The following TNS1 variants were observed in gnomAD, a reference collection of about 807,000 sequenced individuals.
TNS1 encodes tensin 1.
TNS1 carries 62 observed loss-of-function variants against 168.6 expected under a neutral mutation model. That is an observed-to-expected ratio of 0.37 (90% CI 0.30 to 0.45). The LOEUF (loss-of-function observed/expected upper bound fraction) is 0.45. TNS1 is among the 20% of genes least tolerant of loss of function. TNS1 has a pLI of 1.00. For synonymous variants in TNS1, 934 were observed against 933.2 expected, an observed-to-expected ratio of 1.00 and a Z score of -0.02; for missense variants, 2,240 against 2,339.4, an observed-to-expected ratio of 0.96 and a Z score of 0.88.
At chr2:217,872,965 C>T (rs539494600) in intron 18 of TNS1, among the ~76,000 whole-genome samples, 1 of 152,300 alleles carries the variant, frequency 6.6e-6, no homozygotes, top group East Asian at 1.9e-4. Flanking sequence ...ACTCCATTTA[C>T]GTAAAGTGTC....
At chr2:217,947,157 A>C (rs1957130411) in intron 3 of TNS1, among the ~76,000 whole-genome samples, 1 of 148,260 alleles carries the variant, frequency 6.7e-6, no homozygotes, top group African/African-American at 2.5e-5. Context: ...CCTTGTCCCT[A>C]CCTCCCTCCC....
chr2:218,013,597 T>A (rs557498234), upstream of TNS1, among the ~76,000 whole-genome samples: 1 of 151,722 alleles, frequency 6.6e-6, no homozygotes, highest in South Asian at 2.1e-4. Flanking sequence ...GGTTAACCTA[T>A]CCTCTGGGGA....
intron 3 of TNS1, among the ~76,000 whole-genome samples, chr2:217,969,055 C>T (rs1368413613): frequency 6.6e-6 from 1 of 152,088 alleles, no homozygotes; most frequent in Admixed American, 6.6e-5. Context: ...CAATGCAAAC[C>T]CTATCAGAAT....
chr2:218,011,365 G>A (rs1014089299), upstream of TNS1, among the ~76,000 whole-genome samples: 1 of 152,138 alleles, frequency 6.6e-6, no homozygotes, highest in Non-Finnish European at 1.5e-5. Context: ...GAGAGCTGGA[G>A]GGGCACCCAT....
chr2:218,008,097 C>T (rs1220313061), intron 1 of TNS1, among the ~76,000 whole-genome samples: 1 of 152,174 alleles, frequency 6.6e-6, no homozygotes, highest in Non-Finnish European at 1.5e-5. Context: ...CCAGCTGACA[C>T]GAGAAGGAGC....
intron 3 of TNS1, among the ~76,000 whole-genome samples, chr2:217,965,860 G>A (rs1230173514): frequency 6.6e-6 from 1 of 152,034 alleles, no homozygotes; most frequent in African/African-American, 2.4e-5. Context: ...CTCCTAACCT[G>A]AACTGGACCT....
At chr2:217,834,905 G>A (rs973860784) in intron 21 of TNS1, among the ~76,000 whole-genome samples, 186 bp downstream of exon 21, 23 of 152,178 alleles carry the variant, frequency 1.5e-4, no homozygotes, top group African/African-American at 5.3e-4. Flanking sequence ...GAGTGTGGAC[G>A]ACGGAGAAGA....
At chr2:217,947,315 G>C (rs1348310415) in intron 3 of TNS1, among the ~76,000 whole-genome samples, 1 of 152,138 alleles carries the variant, frequency 6.6e-6, no homozygotes, top group African/African-American at 2.4e-5. Context: ...CTGAAGGGGT[G>C]GGGGAGCAAG....
chr2:217,926,566 A>AT (rs1956037918), intron 3 of TNS1, among the ~76,000 whole-genome samples: 1 of 152,040 alleles, frequency 6.6e-6, no homozygotes, highest in Non-Finnish European at 1.5e-5. Context: ...TACATACCTT[A>AT]TTTTTTGCGA....
chr2:217,991,439 C>T (rs572564672), intron 1 of TNS1, among the ~76,000 whole-genome samples: 10 of 152,284 alleles, frequency 6.6e-5, no homozygotes, highest in South Asian at 2.1e-4. Flanking sequence ...GCCACATCCC[C>T]GAAGACTCCC....
At chr2:217,943,881 C>T (rs973809266) in intron 3 of TNS1, 2 of 152,844 alleles carry the variant, frequency 1.3e-5, no homozygotes, top group South Asian at 2.1e-4. Flanking sequence ...TGCAGAGGAG[C>T]CACTAAGTCA....
At chr2:217,956,794 C>T (rs1282741329) in intron 3 of TNS1, among the ~76,000 whole-genome samples, 1 of 152,172 alleles carries the variant, frequency 6.6e-6, no homozygotes, top group African/African-American at 2.4e-5. Flanking sequence ...CCCAGAGGTG[C>T]CTTGGATCCT....
rs144643973 is a variant in TNS1 at position 217,842,526 on chromosome 2, C to T, written c.3007+4984G>A. Among the ~76,000 whole-genome samples, 105 of 152,276 alleles carry T rather than the reference C, an allele frequency of 6.9e-4. 1 individual carries two copies. Among genetic ancestry groups the T allele is most frequent in the African/African-American group, 1.9e-3 (79 of 41,546 alleles). ...CTACCTCCAAAATATGTCTAAAATC[C>T]GAGCACTTCTCCCCTTTCCATGGCC... is the stretch of plus-strand genomic sequence containing the variant. On this transcript the variant is annotated intron_variant, in intron 19 of 32. Coordinates refer to ENST00000682258, the MANE Select transcript of TNS1 (RefSeq NM_001387777.1).
intron 21 of TNS1, 82 bp from the exon 22 acceptor site, chr2:217,831,629 T>A: frequency 8.7e-7 from 1 of 1,146,660 alleles, no homozygotes; most frequent in Non-Finnish European, 1.2e-6. Context: ...AGGGCACGCT[T>A]AGTGAGGGCT....
At chr2:217,811,599 G>C (rs138578257) in intron 28 of TNS1, among the ~76,000 whole-genome samples, 1 of 152,164 alleles carries the variant, frequency 6.6e-6, no homozygotes, top group African/African-American at 2.4e-5. Context: ...AGCCCAGACC[G>C]TTCCGAGACC....
chr2:217,960,555 G>A (rs1014900995), intron 3 of TNS1, among the ~76,000 whole-genome samples: 1 of 152,142 alleles, frequency 6.6e-6, no homozygotes, highest in Non-Finnish European at 1.5e-5. Context: ...ACAGGTCCAT[G>A]CCAGGCAGGC....
upstream of TNS1, among the ~76,000 whole-genome samples, chr2:218,004,009 C>A (rs1021713227): frequency 1.3e-5 from 2 of 152,226 alleles, no homozygotes; most frequent in Non-Finnish European, 2.9e-5. Context: ...CTGCCCCAGG[C>A]CTTCATTGTC....
intron 3 of TNS1, among the ~76,000 whole-genome samples, chr2:217,974,285 A>G (rs1957838671): frequency 6.6e-6 from 1 of 152,210 alleles, no homozygotes; most frequent in African/African-American, 2.4e-5. Context: ...AAAAAGGAAT[A>G]TGATTAGAAT....
At chr2:217,805,613 A>AC (rs1447819930) in intron 32 of TNS1, among the ~76,000 whole-genome samples, 245 of 35,336 alleles carry the variant, frequency 6.9e-3, no homozygotes, top group Non-Finnish European at 8.8e-3. Flanking sequence ...CACACACACC[A>AC]CACACATACA....
Sources: gnomAD v4.1 joint callset for allele counts (sites outside exome capture counted in the v4.1 genomes callset) on GRCh38, gnomAD v4.1.1 for gene constraint, MANE v1.5 for transcripts, NCBI Gene and HGNC (gene_info 2026-07-23, HGNC 2026-07-21) for gene names.